ZNF469: variants seen among roughly 807,000 people sequenced by gnomAD.
ZNF469 encodes the protein zinc finger protein 469.
A neutral mutation model predicts 1.0 loss-of-function variants in ZNF469; 1 was observed. The observed-to-expected ratio is 1.00, with a 90% CI of 0.35 to 4.73. The LOEUF (loss-of-function observed/expected upper bound fraction) is 4.73. ZNF469 is among the 30% of genes most tolerant of loss of function. ZNF469 has a pLI of 0.16. For missense variants in ZNF469, 6,100 were observed against 5,356.3 expected (o/e 1.14, Z -4.33); for synonymous variants, 2,703 against 2,363.4 (o/e 1.14, Z -4.17).
the ZNF469 span, among the ~76,000 whole-genome samples, chr16:88,202,806 C>T: frequency 2.8e-4 from 42 of 152,250 alleles, no homozygotes; most frequent in African/African-American, 9.1e-4. Context: ...TGAGGGGCAG[C>T]GGCAGGGGCC....
the ZNF469 span, among the ~76,000 whole-genome samples, chr16:88,360,020 A>AT: frequency 7.9e-5 from 12 of 152,002 alleles, 1 homozygote; most frequent in Admixed American, 6.5e-4. Flanking sequence ...TGATTTTTTA[A>AT]TTTTTTTTGT....
At chr16:88,189,453 A>G in the ZNF469 span, among the ~76,000 whole-genome samples, 1 of 152,314 alleles carries the variant, frequency 6.6e-6, no homozygotes, top group South Asian at 2.1e-4. The surrounding 1 kb of genome is among the most constrained non-coding windows in gnomAD (Gnocchi z 4.3). Flanking sequence ...GGACACCTGG[A>G]CATGCGTGTC....
the ZNF469 span, among the ~76,000 whole-genome samples, chr16:88,137,082 T>G: frequency 0.18 from 27,087 of 152,178 alleles, 2,923 homozygotes; most frequent in East Asian, 0.48. Context: ...GCACCATGTG[T>G]GTGCAACCAT....
At chr16:88,231,972 C>G in the ZNF469 span, among the ~76,000 whole-genome samples, 1 of 152,120 alleles carries the variant, frequency 6.6e-6, no homozygotes, top group South Asian at 2.1e-4. This position sits in a 1 kb window ranked among gnomAD's most constrained non-coding sequence, Gnocchi z 4.5. Flanking sequence ...GGAATGAACA[C>G]CCGGCCCCAA....
chr16:88,408,460 A>T (rs1049622923), intron 1 of ZNF469, among the ~76,000 whole-genome samples: 4 of 152,214 alleles, frequency 2.6e-5, no homozygotes, highest in African/African-American at 9.7e-5. Flanking sequence ...CCCACTTAGT[A>T]CTTTCTGGAA....
the ZNF469 span, among the ~76,000 whole-genome samples, chr16:88,153,551 G>A: frequency 4.7e-3 from 716 of 152,344 alleles, 2 homozygotes; most frequent in Non-Finnish European, 7.9e-3. Context: ...TTGCTTATGG[G>A]GACACAAATG....
chr16:88,254,560 G>A, the ZNF469 span, among the ~76,000 whole-genome samples: 1 of 152,110 alleles, frequency 6.6e-6, no homozygotes, highest in Admixed American at 6.5e-5. Flanking sequence ...GAGTTCAAGA[G>A]TAGCCTGGCC....
At chr16:88,184,034 C>G in the ZNF469 span, among the ~76,000 whole-genome samples, 2 of 151,928 alleles carry the variant, frequency 1.3e-5, no homozygotes, top group East Asian at 3.9e-4. Flanking sequence ...GTGCCGGAGT[C>G]TCCGGCACTT....
Position 88,428,466 on chromosome 16 carries a change from C to G in ZNF469, c.996C>G (p.Pro332=), listed in dbSNP as rs532123606. The change falls in exon 3 of 3, where the codon CCC becomes CCG. Residue 332 remains proline (P), a synonymous_variant. Coordinates refer to ENST00000565624, the MANE Select transcript of ZNF469 (RefSeq NM_001367624.2). ...ACCCGCTGCCCACCCAGCCTGCGCC[C>G]TCACCCCTGCCCTGCTACCAGGGCC... The part of the protein sequence containing the change: ...PAYPLPTQPA[P]SPLPCYQGQP... 25 of 1,549,030 alleles carry G rather than the reference C, an allele frequency of 1.6e-5. No homozygotes were observed. In the African/African-American group the frequency reaches 2.9e-4, roughly 18 times the overall value.
chr16:88,242,215 G>C, the ZNF469 span, among the ~76,000 whole-genome samples: 1 of 152,210 alleles, frequency 6.6e-6, no homozygotes, highest in Non-Finnish European at 1.5e-5. Flanking sequence ...TGGGCCCTAA[G>C]GTTCAAGGGC....
chr16:88,329,326 G>C, the ZNF469 span, among the ~76,000 whole-genome samples: 1 of 152,246 alleles, frequency 6.6e-6, no homozygotes, highest in Non-Finnish European at 1.5e-5. Context: ...GGTTAGTATT[G>C]ATCCAGATGT....
chr16:88,389,780 G>C (rs1019104860), intron 1 of ZNF469, among the ~76,000 whole-genome samples: 1 of 152,168 alleles, frequency 6.6e-6, no homozygotes, highest in Non-Finnish European at 1.5e-5. Flanking sequence ...AGTGGCCATG[G>C]GGACCTCAAG....
chr16:88,345,102 G>A, the ZNF469 span, among the ~76,000 whole-genome samples: 1 of 152,222 alleles, frequency 6.6e-6, no homozygotes, highest in Non-Finnish European at 1.5e-5. Flanking sequence ...AGCCTGGGAT[G>A]GGGGGAGTGG....
intron 1 of ZNF469, among the ~76,000 whole-genome samples, chr16:88,412,749 GC>G (rs1338832260): frequency 6.6e-6 from 1 of 152,228 alleles, no homozygotes; most frequent in African/African-American, 2.4e-5. Flanking sequence ...AAAATGTGCA[GC>G]CCAGAGAGAA....
the ZNF469 span, among the ~76,000 whole-genome samples, chr16:88,257,961 G>A: frequency 3.9e-5 from 6 of 152,208 alleles, no homozygotes; most frequent in South Asian, 2.1e-4. Context: ...GCTCCTTTCA[G>A]TCTGCATCCT....
chr16:88,125,034 C>T, the ZNF469 span, among the ~76,000 whole-genome samples: 2 of 152,220 alleles, frequency 1.3e-5, no homozygotes, highest in Admixed American at 6.5e-5. Context: ...ATAATTAGAT[C>T]TATGCTCCAT....
the ZNF469 span, among the ~76,000 whole-genome samples, chr16:88,135,777 T>TTTTTTTC: frequency 7.9e-6 from 1 of 126,840 alleles, no homozygotes; most frequent in Non-Finnish European, 1.6e-5. Context: ...TTTTTTTTTT[T>TTTTTTTC]TGGGATGGAG....
At chr16:88,370,692 G>A in the ZNF469 span, among the ~76,000 whole-genome samples, 3 of 152,112 alleles carry the variant, frequency 2.0e-5, no homozygotes, top group African/African-American at 7.2e-5. Context: ...CTGGGCAAGT[G>A]AACACAGCAG....
chr16:88,224,214 C>G, the ZNF469 span, among the ~76,000 whole-genome samples: 2 of 152,314 alleles, frequency 1.3e-5, no homozygotes, highest in Admixed American at 1.3e-4. Context: ...AGACACGCGG[C>G]CACACACAGA....
Sources: allele counts gnomAD v4.1 joint callset (sites outside exome capture counted in the v4.1 genomes callset), GRCh38; gene constraint gnomAD v4.1.1; non-coding constraint Gnocchi (gnomAD v3.1); transcripts MANE v1.5; gene names NCBI Gene and HGNC (gene_info 2026-07-23, HGNC 2026-07-21).